NALF1: variants seen among roughly 807,000 people sequenced by gnomAD.
The protein encoded by NALF1 is family with sequence similarity 155 member A.
In NALF1, 3 loss-of-function variants were observed where a neutral mutation model predicts 48.4. The observed-to-expected ratio is 0.06, with a 90% CI of 0.03 to 0.16. The LOEUF (loss-of-function observed/expected upper bound fraction) is 0.16, where lower values mean the gene tolerates loss of function less well. Ranked by LOEUF, NALF1 falls within the 10% of genes least tolerant of loss-of-function variation. The probability of loss-of-function intolerance (pLI) is 1.00; values close to 1 mark genes in which losing one functional copy is unlikely to be tolerated. For synonymous variants in NALF1, 262 were observed against 245.7 expected (o/e 1.07, Z -0.62); for missense variants, 526 against 571.5 (o/e 0.92, Z 0.81).
rs552483947 is a variant in NALF1, at chr13:107,678,819, G to C, written c.915+186863C>G. 1.3e-3 allele frequency among the ~76,000 whole-genome samples: 196 copies of C among 152,258 alleles called. 1 individual carries two copies. Among genetic ancestry groups the C allele is most frequent in the African/African-American group, 4.5e-3 (189 of 41,558 alleles). On this transcript the variant is annotated intron_variant, in intron 1 of 2. Transcript: ENST00000375915. ...AACTCACTATCACGAGAACAGCATAGGGGAAACCATCCCCATGATTCAGTT... is the reference window on the plus strand; with the variant it reads ...AACTCACTATCACGAGAACAGCATACGGGAAACCATCCCCATGATTCAGTT...
intron 1 of NALF1, among the ~76,000 whole-genome samples, chr13:107,308,241 G>A (rs185443845): frequency 0.012 from 1,417 of 120,690 alleles, 31 homozygotes; most frequent in Middle Eastern, 0.045. Context: ...TCACTCTGTC[G>A]CCCAGGCTGG....
At chr13:107,398,398 A>C (rs1883749239) in intron 1 of NALF1, among the ~76,000 whole-genome samples, 1 of 151,948 alleles carries the variant, frequency 6.6e-6, no homozygotes, top group Non-Finnish European at 1.5e-5. Context: ...AAAAAAAAAA[A>C]AAACCCAAAC....
chr13:107,844,214 T>C (rs909716336), intron 1 of NALF1, among the ~76,000 whole-genome samples: 1 of 148,050 alleles, frequency 6.8e-6, no homozygotes, highest in African/African-American at 2.5e-5. Context: ...GAGTAGCAAG[T>C]TGTTTGTAGC....
intron 1 of NALF1, among the ~76,000 whole-genome samples, chr13:107,745,020 C>T (rs1401338068): frequency 6.6e-6 from 1 of 152,116 alleles, no homozygotes; most frequent in African/African-American, 2.4e-5. Context: ...AGTATCAACA[C>T]GAAAGTTAGA....
At chr13:107,305,809 A>C (rs1323415977) in intron 1 of NALF1, among the ~76,000 whole-genome samples, 1 of 152,214 alleles carries the variant, frequency 6.6e-6, no homozygotes, top group Non-Finnish European at 1.5e-5. Context: ...AAAATAATCA[A>C]AGGTAGAAAC....
chr13:107,315,890 T>C (rs982092764), intron 1 of NALF1, among the ~76,000 whole-genome samples: 17 of 149,968 alleles, frequency 1.1e-4, no homozygotes, highest in African/African-American at 4.1e-4. Flanking sequence ...TTTATAGATA[T>C]ATATATATAT....
chr13:107,231,058 CAAAAAAAAA>C (rs3072074), intron 1 of NALF1, among the ~76,000 whole-genome samples: 3 of 83,588 alleles, frequency 3.6e-5, no homozygotes, highest in Non-Finnish European at 4.7e-5. Flanking sequence ...AAGACCCGGC[CAAAAAAAAA>C]AAAAAAAAAA....
intron 1 of NALF1, among the ~76,000 whole-genome samples, chr13:107,822,130 T>C (rs369194234): frequency 5.9e-5 from 9 of 152,162 alleles, no homozygotes; most frequent in East Asian, 5.8e-4. Context: ...ACTTTTTACT[T>C]AATAAAAAGC....
At chr13:107,347,749 A>C (rs568318396) in intron 1 of NALF1, among the ~76,000 whole-genome samples, 1 of 152,366 alleles carries the variant, frequency 6.6e-6, no homozygotes, top group Non-Finnish European at 1.5e-5. Context: ...TCTGTAAGGG[A>C]CCGCAAATAT....
At chr13:107,370,182 T>C (rs530696503) in intron 1 of NALF1, among the ~76,000 whole-genome samples, 8 of 152,286 alleles carry the variant, frequency 5.3e-5, no homozygotes, top group Non-Finnish European at 8.8e-5. Flanking sequence ...AAATTGCAGT[T>C]TGGGGGACGT....
At chr13:107,203,638 C>T (rs1400991770) in intron 2 of NALF1, among the ~76,000 whole-genome samples, 2 of 152,140 alleles carry the variant, frequency 1.3e-5, no homozygotes, top group African/African-American at 4.8e-5. Context: ...TCGTGATGGG[C>T]CCTGACATGG....
At chr13:107,808,378 T>C (rs930223243) in intron 1 of NALF1, among the ~76,000 whole-genome samples, 1 of 152,094 alleles carries the variant, frequency 6.6e-6, no homozygotes, top group Non-Finnish European at 1.5e-5. Flanking sequence ...TCTATCTTTT[T>C]CCCCTAGAGA....
At chr13:107,541,003 A>G (rs1038677151) in intron 1 of NALF1, among the ~76,000 whole-genome samples, 1 of 152,144 alleles carries the variant, frequency 6.6e-6, no homozygotes, top group African/African-American at 2.4e-5. Flanking sequence ...TTTCTTAATT[A>G]GACTTGTTAT....
At chr13:107,477,649 C>T (rs948966220) in intron 1 of NALF1, among the ~76,000 whole-genome samples, 2 of 152,010 alleles carry the variant, frequency 1.3e-5, no homozygotes, top group African/African-American at 2.4e-5. Context: ...ATATCTCCTC[C>T]GTGTGACTAA....
chr13:107,520,058 TTC>T (rs1229619705), intron 1 of NALF1, among the ~76,000 whole-genome samples: 1 of 152,238 alleles, frequency 6.6e-6, no homozygotes, highest in African/African-American at 2.4e-5. Context: ...CTTTAGTGTC[TTC>T]TGTCAACATT....
At chr13:107,568,497 T>C (rs1021659866) in intron 1 of NALF1, among the ~76,000 whole-genome samples, 1 of 152,230 alleles carries the variant, frequency 6.6e-6, no homozygotes, top group South Asian at 2.1e-4. Context: ...GTATGGTATG[T>C]CCATTTTTAG....
At chr13:107,503,753 T>TGTGTGTG (rs1329568918) in intron 1 of NALF1, among the ~76,000 whole-genome samples, 1,477 of 70,876 alleles carry the variant, frequency 0.021, 30 homozygotes, top group Middle Eastern at 0.027. Flanking sequence ...GTGTGTGTGT[T>TGTGTGTG]TGTGTGTGTG....
intron 1 of NALF1, among the ~76,000 whole-genome samples, chr13:107,387,859 G>A (rs547706914): frequency 6.6e-6 from 1 of 152,240 alleles, no homozygotes; most frequent in Non-Finnish European, 1.5e-5. Context: ...CTACCCTTGA[G>A]TAACTCACAG....
intron 1 of NALF1, among the ~76,000 whole-genome samples, chr13:107,612,206 T>C (rs1194626766): frequency 6.6e-6 from 1 of 150,614 alleles, no homozygotes; most frequent in Non-Finnish European, 1.5e-5. Context: ...ATGATTCCAA[T>C]TATATGAACA....
Sources: gnomAD v4.1 joint callset for allele counts (sites outside exome capture counted in the v4.1 genomes callset) on GRCh38, gnomAD v4.1.1 for gene constraint, MANE v1.5 for transcripts, NCBI Gene and HGNC (gene_info 2026-07-23, HGNC 2026-07-21) for gene names.